The following CPED1 variants were observed in gnomAD, a reference collection of about 807,000 sequenced individuals.
CPED1 encodes cadherin-like and PC-esterase domain-containing protein 1.
In CPED1, 114 loss-of-function variants were observed where a neutral mutation model predicts 128.2. The ratio of observed to expected loss-of-function variants is 0.89; its 90% CI spans 0.76 to 1.04. The LOEUF (loss-of-function observed/expected upper bound fraction) is 1.04, where lower values mean the gene tolerates loss of function less well. CPED1 is among the 50% of genes least tolerant of loss of function. The probability of loss-of-function intolerance (pLI) is 0.00; values close to 1 mark genes in which losing one functional copy is unlikely to be tolerated. For synonymous variants in CPED1, 462 were observed against 426.7 expected, an observed-to-expected ratio of 1.08 and a Z score of -1.02; for missense variants, 1,211 against 1,207.1, an observed-to-expected ratio of 1.00 and a Z score of -0.05.
chr7:121,088,164 A>G (rs1584503083), intron 5 of CPED1, among the ~76,000 whole-genome samples: 2 of 152,316 alleles, frequency 1.3e-5, no homozygotes, highest in Admixed American at 1.3e-4. Context: ...CAAGTCTAGG[A>G]TTGTTATACA....
chr7:121,084,337 A>G (rs941923483), intron 5 of CPED1, among the ~76,000 whole-genome samples: 2 of 152,208 alleles, frequency 1.3e-5, no homozygotes, highest in African/African-American at 4.8e-5. Flanking sequence ...TTATAAAGGA[A>G]AATTAAGGTG....
At chr7:121,231,420 T>A (rs1301875734) in intron 16 of CPED1, among the ~76,000 whole-genome samples, 1 of 152,048 alleles carries the variant, frequency 6.6e-6, no homozygotes, top group South Asian at 2.1e-4. Flanking sequence ...CCAACAGAGA[T>A]GTAGAAATGA....
At chr7:121,259,362 A>C (rs1431925521) in intron 18 of CPED1, among the ~76,000 whole-genome samples, 1 of 152,056 alleles carries the variant, frequency 6.6e-6, no homozygotes, top group African/African-American at 2.4e-5. Flanking sequence ...AGTTGGAACA[A>C]GTTTTCCCCC....
rs941876228 is a variant in CPED1 at position 121,078,381 on chromosome 7, C to A, written c.616+14068C>A. Among the ~76,000 whole-genome samples the A allele has an allele frequency of 7.9e-4, 120 of 151,012 alleles. 2 individuals are homozygous for A. Among genetic ancestry groups the A allele is most frequent in the African/African-American group, 2.7e-3 (111 of 41,048 alleles). ...AATTTTTAGTGGAGCATGACATTTTCATAAGCCATTTCTTAGTTTTGAAGT... is the reference window on the plus strand; with the variant it reads ...AATTTTTAGTGGAGCATGACATTTTAATAAGCCATTTCTTAGTTTTGAAGT... On this transcript the variant is annotated intron_variant, in intron 5 of 22. Coordinates refer to ENST00000310396, the MANE Select transcript of CPED1 (RefSeq NM_024913.5).
chr7:121,077,416 T>C (rs184245458), intron 5 of CPED1, among the ~76,000 whole-genome samples: 3 of 152,134 alleles, frequency 2.0e-5, no homozygotes, highest in Admixed American at 2.0e-4. Flanking sequence ...GAATAGAAAA[T>C]ACAGATAAGC....
intron 5 of CPED1, among the ~76,000 whole-genome samples, chr7:121,090,793 A>T (rs1794554391): frequency 6.6e-6 from 1 of 152,062 alleles, no homozygotes; most frequent in Non-Finnish European, 1.5e-5. Context: ...TATTAAAAAT[A>T]CAAAAATTAA....
intron 16 of CPED1, among the ~76,000 whole-genome samples, chr7:121,191,421 A>G (rs889229965): frequency 5.3e-5 from 8 of 152,120 alleles, no homozygotes; most frequent in African/African-American, 1.9e-4. Context: ...GGCTGAGGAG[A>G]AGAATATTAT....
intron 16 of CPED1, among the ~76,000 whole-genome samples, chr7:121,175,357 TA>T (rs1447404810): frequency 6.6e-6 from 1 of 152,150 alleles, no homozygotes; most frequent in African/African-American, 2.4e-5. Flanking sequence ...GGATCTGTCA[TA>T]GATGGCTATC....
intron 17 of CPED1, among the ~76,000 whole-genome samples, chr7:121,241,783 A>G (rs899935824): frequency 6.6e-6 from 1 of 152,212 alleles, no homozygotes; most frequent in Non-Finnish European, 1.5e-5. Flanking sequence ...GGGAAAATAC[A>G]TAAAATATAT....
intron 16 of CPED1, among the ~76,000 whole-genome samples, chr7:121,173,142 T>G (rs1208159792): frequency 1.3e-5 from 2 of 152,192 alleles, no homozygotes; most frequent in Non-Finnish European, 2.9e-5. Context: ...AAATTATAAT[T>G]GTAACAAAAT....
intron 4 of CPED1, among the ~76,000 whole-genome samples, chr7:121,055,186 G>T (rs988073766): frequency 6.6e-6 from 1 of 152,182 alleles, no homozygotes; most frequent in East Asian, 1.9e-4. Context: ...GTTTCTGTAT[G>T]AATATAACTT....
chr7:121,192,677 G>T (rs570627313), intron 16 of CPED1, among the ~76,000 whole-genome samples: 20 of 152,088 alleles, frequency 1.3e-4, no homozygotes, highest in South Asian at 4.1e-4. Context: ...TAGTTATTTA[G>T]AAGTCAAGAG....
intron 16 of CPED1, among the ~76,000 whole-genome samples, chr7:121,223,985 T>C (rs1158835097): frequency 6.6e-6 from 1 of 152,166 alleles, no homozygotes; most frequent in Non-Finnish European, 1.5e-5. Context: ...TGATCTTAGT[T>C]ATTTCTTGCC....
At chr7:121,183,243 A>T (rs1401927657) in intron 16 of CPED1, among the ~76,000 whole-genome samples, 1 of 152,198 alleles carries the variant, frequency 6.6e-6, no homozygotes, top group Non-Finnish European at 1.5e-5. Flanking sequence ...CCTTTTTCAC[A>T]ACTGTCACCA....
chr7:121,201,980 A>T (rs1797410774), intron 16 of CPED1, among the ~76,000 whole-genome samples: 1 of 152,164 alleles, frequency 6.6e-6, no homozygotes. Context: ...ATAGCATAGC[A>T]AAATTAATCC....
rs1421523612 is a variant in CPED1, at chr7:121,296,539, A to G, written c.*887A>G. The G allele has an allele frequency of 6.6e-6, 1 of 152,156 alleles. No homozygotes were observed. The highest frequency in any genetic ancestry group is 1.5e-5 in the Non-Finnish European group (1 of 67,972). The allele number at this position is 152,156 out of a possible 1,614,324, so 9.4% of individuals were successfully genotyped here. On this transcript the variant is annotated 3_prime_UTR_variant, in exon 23 of 23. Transcript: ENST00000310396. ...TTATGTAAATATTTTGCAAAGGACT[A>G]TGCATTCTGAAATGCATAGGTGCTT...
At chr7:121,261,765 G>C (rs1213287929) in intron 18 of CPED1, 1 of 1,546,502 alleles carries the variant, frequency 6.5e-7, no homozygotes, top group Non-Finnish European at 8.8e-7. Context: ...CTATTTTTCT[G>C]AGAGAGTAAT....
intron 16 of CPED1, among the ~76,000 whole-genome samples, chr7:121,165,174 G>GA (rs1796496137): frequency 6.6e-6 from 1 of 152,100 alleles, no homozygotes; most frequent in Non-Finnish European, 1.5e-5. Flanking sequence ...AAAAGGAAAA[G>GA]TAATATCAAG....
intron 7 of CPED1, among the ~76,000 whole-genome samples, chr7:121,112,971 G>A (rs1012225666): frequency 6.6e-6 from 1 of 152,178 alleles, no homozygotes; most frequent in Non-Finnish European, 1.5e-5. Flanking sequence ...AAGTGGGGAC[G>A]AGTATCTTGA....
Sources: allele counts gnomAD v4.1 joint callset (sites outside exome capture counted in the v4.1 genomes callset), GRCh38; gene constraint gnomAD v4.1.1; transcripts MANE v1.5; gene names NCBI Gene and HGNC (gene_info 2026-07-23, HGNC 2026-07-21).